Variants in EFHD1 observed in about 807,000 individuals in gnomAD.
EFHD1 encodes EF-hand domain-containing protein D1.
A neutral mutation model predicts 17.2 loss-of-function variants in EFHD1; 10 were observed. The observed-to-expected ratio is 0.58, with a 90% CI of 0.36 to 0.99. The LOEUF (loss-of-function observed/expected upper bound fraction) is 0.99, where lower values mean the gene tolerates loss of function less well. Ranked by LOEUF, EFHD1 falls within the 50% of genes least tolerant of loss-of-function variation. The pLI is 0.01. For missense variants in EFHD1, 310 were observed against 327.5 expected (o/e 0.95, Z 0.41); for synonymous variants, 153 against 142.0 (o/e 1.08, Z -0.55).
chr2:232,613,663 C>CACACACACACAAAT (rs1283614883), intron 1 of EFHD1, among the ~76,000 whole-genome samples: 14 of 149,916 alleles, frequency 9.3e-5, no homozygotes, highest in African/African-American at 3.5e-4. Context: ...CACACAAATA[C>CACACACACACAAAT]ACACACACAA....
chr2:232,663,287 C>T (rs993023230), intron 2 of EFHD1, among the ~76,000 whole-genome samples: 10 of 151,670 alleles, frequency 6.6e-5, no homozygotes, highest in African/African-American at 1.9e-4. Flanking sequence ...CATTTTTTAA[C>T]GTATTTTTAA....
chr2:232,661,897 G>C (rs1005604666), intron 1 of EFHD1: 1 of 152,120 alleles, frequency 6.6e-6, no homozygotes, highest in Non-Finnish European at 1.5e-5. Flanking sequence ...TCATCTGTCC[G>C]CAGACACCCG....
intron 3 of EFHD1, among the ~76,000 whole-genome samples, chr2:232,674,492 G>A (rs1004207601): frequency 6.6e-5 from 10 of 152,276 alleles, no homozygotes; most frequent in Non-Finnish European, 1.5e-4. Flanking sequence ...TTTTGTCAGA[G>A]GGACTTATTT....
intron 1 of EFHD1, among the ~76,000 whole-genome samples, chr2:232,622,194 ATGGTGGCT>A (rs1213241960): frequency 3.9e-5 from 6 of 152,224 alleles, no homozygotes; most frequent in African/African-American, 1.4e-4. Context: ...GGGGCCGGGC[ATGGTGGCT>A]TACGCCTGTA....
intron 1 of EFHD1, among the ~76,000 whole-genome samples, chr2:232,613,625 C>CACAT (rs1357112346): frequency 5.0e-5 from 6 of 120,172 alleles, no homozygotes; most frequent in African/African-American, 1.0e-4. Context: ...CACACACACA[C>CACAT]ACACACATAT....
intron 3 of EFHD1, among the ~76,000 whole-genome samples, chr2:232,675,165 G>A (rs549474430): frequency 2.1e-5 from 3 of 139,630 alleles, no homozygotes; most frequent in Middle Eastern, 3.8e-3. Flanking sequence ...GACAGAGCAC[G>A]ACTCCACCTC....
intron 1 of EFHD1, among the ~76,000 whole-genome samples, chr2:232,643,255 C>T (rs142135235): frequency 1.1e-4 from 17 of 152,128 alleles, no homozygotes; most frequent in African/African-American, 3.9e-4. Flanking sequence ...AAGCTGGCCT[C>T]TGGCATCCCA....
intron 1 of EFHD1, among the ~76,000 whole-genome samples, chr2:232,625,676 C>G (rs1232448887): frequency 1.3e-5 from 2 of 152,138 alleles, no homozygotes; most frequent in Non-Finnish European, 2.9e-5. Context: ...AATGATTCCT[C>G]AAAGTGCTCC....
intron 2 of EFHD1, among the ~76,000 whole-genome samples, chr2:232,670,258 TG>T (rs934902330): frequency 6.6e-6 from 1 of 152,096 alleles, no homozygotes; most frequent in Non-Finnish European, 1.5e-5. Context: ...TTGGTCAACA[TG>T]GTGAAACCCC....
chr2:232,663,128 A>G (rs1240699904), intron 2 of EFHD1, among the ~76,000 whole-genome samples, 179 bp downstream of exon 2: 1 of 152,198 alleles, frequency 6.6e-6, no homozygotes, highest in Non-Finnish European at 1.5e-5. Flanking sequence ...GCTGGCCTGG[A>G]AAAAGCAGCA....
In EFHD1 at chr2:232,672,353, G is replaced by A; in HGVS notation, c.495G>A (p.Glu165=). Residue 165 remains glutamate (E), a synonymous_variant, in exon 3 of 4, where the codon GAG becomes GAA. Coordinates refer to ENST00000264059, the MANE Select transcript of EFHD1 (RefSeq NM_025202.4). The part of the protein sequence containing the change: ...FHKAAAGELQ[E]DSGLMALAKL... Reference sequence around the variant, plus strand: ...AGGCCGCGGCAGGGGAGCTGCAGGAGGACAGTGGGCTGATGGCGCTGGCAA... The same window carrying A: ...AGGCCGCGGCAGGGGAGCTGCAGGAAGACAGTGGGCTGATGGCGCTGGCAA... The A allele has an allele frequency of 6.2e-7, 1 of 1,614,202 alleles. No individual in the cohort carries two copies. The highest frequency in any genetic ancestry group is 1.1e-5 in the South Asian group (1 of 91,082).
At chr2:232,674,950 G>A (rs1231334417) in intron 3 of EFHD1, among the ~76,000 whole-genome samples, 1 of 152,044 alleles carries the variant, frequency 6.6e-6, no homozygotes, top group Admixed American at 6.6e-5. Flanking sequence ...ATGGCCGGAG[G>A]TGAAAGCCAA....
At chr2:232,632,500 G>A (rs1425299195), upstream of EFHD1, among the ~76,000 whole-genome samples, 1 of 152,142 alleles carries the variant, frequency 6.6e-6, no homozygotes, top group Admixed American at 6.5e-5. Flanking sequence ...ATGTAACAGC[G>A]GCATCAGCCT....
chr2:232,679,987 A>G (rs189559773), intron 3 of EFHD1, among the ~76,000 whole-genome samples: 6 of 152,262 alleles, frequency 3.9e-5, no homozygotes, highest in Admixed American at 2.0e-4. Flanking sequence ...AATAACGTAC[A>G]TAAGGCTGGG....
chr2:232,654,335 A>G lies in EFHD1; in HGVS notation c.303-8467A>G, dbSNP rs1013856211. Among the ~76,000 whole-genome samples, 6 of 151,880 alleles carry G rather than the reference A, an allele frequency of 4.0e-5. No homozygotes were observed. The East Asian group carries it at 5.8e-4, about 15-fold the overall frequency. ...AGAACGTTGCAGGCTTTGGGGCCTG[A>G]AAGGAAGGTTTCCCAAGTCTTCTAG... On this transcript the variant is annotated intron_variant, in intron 1 of 3. Coordinates refer to ENST00000264059, the MANE Select transcript of EFHD1 (RefSeq NM_025202.4).
chr2:232,661,954 C>G (rs1694876201), intron 1 of EFHD1: 2 of 152,142 alleles, frequency 1.3e-5, no homozygotes, highest in African/African-American at 4.8e-5. Context: ...GTTTTTAGAG[C>G]AAGGTATTCA....
At chr2:232,647,948 C>T (rs1477033759) in intron 1 of EFHD1, among the ~76,000 whole-genome samples, 1 of 152,124 alleles carries the variant, frequency 6.6e-6, no homozygotes, top group African/African-American at 2.4e-5. Flanking sequence ...CCTTTCAGAA[C>T]TTTTATGCAG....
intron 2 of EFHD1, among the ~76,000 whole-genome samples, chr2:232,663,811 C>A (rs956179224): frequency 6.6e-6 from 1 of 151,628 alleles, no homozygotes; most frequent in Non-Finnish European, 1.5e-5. Flanking sequence ...AATAATGCGT[C>A]TTCTTTGCTT....
intron 1 of EFHD1, chr2:232,611,878 A>G: frequency 6.6e-6 from 1 of 152,410 alleles, no homozygotes; most frequent in Non-Finnish European, 1.5e-5. Context: ...CCCACAGGCC[A>G]GCACCCAGTG....
Sources: allele counts gnomAD v4.1 joint callset (sites outside exome capture counted in the v4.1 genomes callset), GRCh38; gene constraint gnomAD v4.1.1; transcripts MANE v1.5; gene names NCBI Gene and HGNC (gene_info 2026-07-23, HGNC 2026-07-21).